The following USP7 variants were observed in gnomAD, a reference collection of about 807,000 sequenced individuals.
USP7 encodes ubiquitin C-terminal hydrolase 7.
Under a neutral mutation model 162.9 loss-of-function variants are expected in USP7, and 9 were observed. That is an observed-to-expected ratio of 0.06 (90% confidence interval 0.03 to 0.10). The LOEUF (loss-of-function observed/expected upper bound fraction) is 0.10, where lower values mean the gene tolerates loss of function less well. Ranked by LOEUF, USP7 falls within the 10% of genes least tolerant of loss-of-function variation. The pLI is 1.00. For missense variants in USP7, 715 were observed against 1,373.7 expected, an observed-to-expected ratio of 0.52 and a Z score of 7.58; for synonymous variants, 562 against 475.9, an observed-to-expected ratio of 1.18 and a Z score of -2.35.
chr16:8,908,005 G>T (rs908249462), intron 12 of USP7, among the ~76,000 whole-genome samples: 2 of 152,070 alleles, frequency 1.3e-5, no homozygotes, highest in Non-Finnish European at 2.9e-5. Context: ...ATTTATAATC[G>T]GTCAAAATTA....
intron 10 of USP7, among the ~76,000 whole-genome samples, chr16:8,914,874 G>C: frequency 6.6e-6 from 1 of 152,202 alleles, no homozygotes; most frequent in Non-Finnish European, 1.5e-5. Context: ...AGCTATGGTT[G>C]CACCCCAGCC....
At chr16:8,956,686 C>A (rs538183347) in intron 1 of USP7, among the ~76,000 whole-genome samples, 4 of 152,092 alleles carry the variant, frequency 2.6e-5, no homozygotes, top group African/African-American at 9.6e-5. Context: ...TGGCTTAAAC[C>A]CAGGGGTCAG....
rs760869749 is a variant in USP7 at position 8,918,995 on chromosome 16, G to A, written c.720+36C>T. The A allele has an allele frequency of 1.0e-5, 16 of 1,602,760 alleles. No homozygotes were observed. The South Asian group carries it at 1.8e-4, about 18-fold the overall frequency. ...TGATATACCTGAGAAGAAAGGGTGA[G>A]CGGAAGGCTGCAGGAGAGGAACACT... On this transcript the variant is annotated intron_variant, in intron 6 of 30. Coordinates refer to ENST00000344836, the MANE Select transcript of USP7 (RefSeq NM_003470.3).
intron 2 of USP7, among the ~76,000 whole-genome samples, chr16:8,924,973 C>T (rs928288526): frequency 3.3e-5 from 5 of 152,132 alleles, no homozygotes; most frequent in African/African-American, 1.2e-4. Flanking sequence ...TCCCCTAATC[C>T]TTTTGAGGAT....
At chr16:8,935,344 G>A (rs532862708) in intron 1 of USP7, among the ~76,000 whole-genome samples, 5 of 152,086 alleles carry the variant, frequency 3.3e-5, no homozygotes, top group East Asian at 3.9e-4. Context: ...TGAGTAGCTG[G>A]GATTACAGGC....
At chr16:8,921,343 G>A (rs767165493) in intron 3 of USP7, 48 bp from the exon 4 acceptor site, 3 of 1,592,016 alleles carry the variant, frequency 1.9e-6, no homozygotes, top group South Asian at 1.1e-5. Context: ...TTTACCAGAT[G>A]TTATACATTT....
chr16:8,913,135 C>A (rs1479933609), intron 10 of USP7, among the ~76,000 whole-genome samples: 1 of 152,216 alleles, frequency 6.6e-6, no homozygotes, highest in Non-Finnish European at 1.5e-5. Flanking sequence ...ATGGGCAGAT[C>A]ACCTGAGGTC....
intron 2 of USP7, among the ~76,000 whole-genome samples, chr16:8,925,247 T>G (rs1330219854): frequency 2.0e-5 from 3 of 152,192 alleles, no homozygotes; most frequent in Non-Finnish European, 4.4e-5. Context: ...GACCTGACTC[T>G]GGTTTTTAAA....
At chr16:8,939,939 A>C (rs139012432) in intron 1 of USP7, among the ~76,000 whole-genome samples, 2 of 152,180 alleles carry the variant, frequency 1.3e-5, no homozygotes, top group Non-Finnish European at 2.9e-5. Flanking sequence ...CTCTACTAAA[A>C]ATACAAAAAT....
At chr16:8,959,900 T>C (rs769742440) in intron 1 of USP7, among the ~76,000 whole-genome samples, 7 of 152,296 alleles carry the variant, frequency 4.6e-5, no homozygotes, top group Middle Eastern at 3.4e-3. Flanking sequence ...CTAAGTGTCA[T>C]AGAAAAGTCT....
At chr16:8,923,486 G>A (rs1300628272) in intron 2 of USP7, 73 bp from the exon 3 acceptor site, 1 of 1,510,150 alleles carries the variant, frequency 6.6e-7, no homozygotes. Flanking sequence ...TCGACATGGA[G>A]TAAACTGTTC....
chr16:8,946,745 C>T (rs1254878403), intron 1 of USP7, among the ~76,000 whole-genome samples: 6 of 152,240 alleles, frequency 3.9e-5, no homozygotes, highest in Non-Finnish European at 5.9e-5. Context: ...CAGCCACTCA[C>T]GCTCAACCAC....
chr16:8,961,927 T>C lies in USP7; in HGVS notation c.79+1280A>G, dbSNP rs139826487. 5.4e-3 allele frequency among the ~76,000 whole-genome samples: 823 copies of C among 152,288 alleles called. 6 individuals carry two copies. Among genetic ancestry groups the C allele is most frequent in the African/African-American group, 0.018 (758 of 41,556 alleles). ...GCTCTTCTGTCCCCCATTACTGCCA[T>C]TGATAAATACCACTGGGGAGTGCCT... On this transcript the variant is annotated intron_variant, in intron 1 of 30. Transcript: ENST00000344836.
chr16:8,898,473 C>A, intron 24 of USP7, 36 bp from the exon 25 acceptor site: 1 of 1,606,274 alleles, frequency 6.2e-7, no homozygotes, highest in South Asian at 1.1e-5. Flanking sequence ...CAGATACCGT[C>A]ACCAAAACCC....
intron 22 of USP7, 180 bp from the exon 23 acceptor site, chr16:8,899,368 T>G: frequency 1.3e-6 from 1 of 744,056 alleles, no homozygotes; most frequent in East Asian, 2.7e-5. Flanking sequence ...GCATATCTGA[T>G]GAAGATAACT....
At chr16:8,898,726 G>A in intron 23 of USP7, 87 bp from the exon 24 acceptor site, 2 of 1,103,490 alleles carry the variant, frequency 1.8e-6, no homozygotes, top group South Asian at 3.2e-5. Flanking sequence ...GCAAACCGCT[G>A]GCCTTACACC....
chr16:8,940,414 CACA>C (rs1173192161), intron 1 of USP7, among the ~76,000 whole-genome samples: 1 of 152,212 alleles, frequency 6.6e-6, no homozygotes. Flanking sequence ...GCTTCTTGAA[CACA>C]ACGAGAGGCA....
At chr16:8,955,391 T>G (rs1899744640) in intron 1 of USP7, among the ~76,000 whole-genome samples, 1 of 149,940 alleles carries the variant, frequency 6.7e-6, no homozygotes, top group Non-Finnish European at 1.5e-5. Flanking sequence ...ATTACAGGCA[T>G]AAGCCACCAT....
intron 12 of USP7, 76 bp downstream of exon 12, chr16:8,908,265 T>G (rs369569243): frequency 8.4e-7 from 1 of 1,187,986 alleles, no homozygotes; most frequent in Non-Finnish European, 1.2e-6. Flanking sequence ...ATATAAAGAC[T>G]GAGGAAAGCA....
Sources: gnomAD v4.1 joint callset for allele counts (sites outside exome capture counted in the v4.1 genomes callset) on GRCh38, gnomAD v4.1.1 for gene constraint, MANE v1.5 for transcripts, NCBI Gene and HGNC (gene_info 2026-07-23, HGNC 2026-07-21) for gene names.